The following COP1 variants were observed in gnomAD, a reference collection of about 807,000 sequenced individuals.
COP1 encodes COP1 E3 ubiquitin ligase, also known as E3 ubiquitin-protein ligase COP1.
COP1 carries 24 observed loss-of-function variants against 101.3 expected under a neutral mutation model. That is an observed-to-expected ratio of 0.24 (90% CI 0.17 to 0.33). The LOEUF is 0.33. Ranked by LOEUF, COP1 falls within the 10% of genes least tolerant of loss-of-function variation. The pLI, the probability that COP1 is intolerant of heterozygous loss-of-function variation, is 1.00. For synonymous variants in COP1, 347 were observed against 341.9 expected, an observed-to-expected ratio of 1.01 and a Z score of -0.17; for missense variants, 663 against 906.2, an observed-to-expected ratio of 0.73 and a Z score of 3.45.
chr1:176,096,805 A>G (rs1682470980), intron 9 of COP1, among the ~76,000 whole-genome samples: 1 of 152,214 alleles, frequency 6.6e-6, no homozygotes, highest in African/African-American at 2.4e-5. Context: ...TCTGCTTTAC[A>G]TAACTTTCTG....
chr1:176,195,626 C>G (rs936196863), intron 1 of COP1, among the ~76,000 whole-genome samples: 5 of 152,018 alleles, frequency 3.3e-5, no homozygotes, highest in African/African-American at 1.2e-4. Context: ...ATTAACTGAA[C>G]AAAGTTGAAT....
Position 176,095,681 on chromosome 1 carries a change from A to G in COP1, c.1027-9791T>C, listed in dbSNP as rs893754707. Among the ~76,000 whole-genome samples the G allele has an allele frequency of 5.0e-5, 7 of 139,576 alleles. No homozygotes were observed. The East Asian group carries it at 6.1e-4, about 12-fold the overall frequency. 91.6% of individuals were successfully genotyped at this position (139,576 alleles called of 152,430 possible). A position where few individuals can be genotyped will look rare whatever the true frequency, so the allele number is the denominator to read the frequency against. On this transcript the variant is annotated intron_variant, in intron 9 of 19. Transcript: ENST00000367669. Reference sequence around the variant, plus strand: ...GTGAGAGGGCAAGACCCTGTCTCAGAAAAAAAAAAAAAAAAAAGATGTTCT... The same window carrying G: ...GTGAGAGGGCAAGACCCTGTCTCAGGAAAAAAAAAAAAAAAAAGATGTTCT...
intron 3 of COP1, among the ~76,000 whole-genome samples, chr1:176,173,799 C>T (rs1460412040): frequency 6.6e-6 from 1 of 151,468 alleles, no homozygotes; most frequent in Admixed American, 6.6e-5. Context: ...ACCAGCCTAT[C>T]CAACATGGTG....
intron 11 of COP1, among the ~76,000 whole-genome samples, chr1:176,048,435 G>A (rs1338922213): frequency 6.6e-6 from 1 of 152,134 alleles, no homozygotes; most frequent in Non-Finnish European, 1.5e-5. Context: ...TAGCAATGCA[G>A]TAGATTTATT....
At chr1:175,992,283 G>C (rs1223632465) in intron 15 of COP1, among the ~76,000 whole-genome samples, 1 of 152,210 alleles carries the variant, frequency 6.6e-6, no homozygotes, top group Non-Finnish European at 1.5e-5. Context: ...TGGCCAAATA[G>C]GAACAGCTCC....
At chr1:175,945,281 C>T in intron 19 of COP1, 111 bp from the exon 20 acceptor site, 1 of 740,290 alleles carries the variant, frequency 1.4e-6, no homozygotes, top group East Asian at 3.0e-5. Flanking sequence ...AAAAACGTTT[C>T]CCAACTGGGA....
intron 18 of COP1, among the ~76,000 whole-genome samples, chr1:175,958,398 A>G (rs555877591): frequency 6.6e-6 from 1 of 152,096 alleles, no homozygotes; most frequent in South Asian, 2.1e-4. Context: ...AAGCCATTTC[A>G]GCTATGAAGC....
rs774572668 is a variant in COP1 at position 176,116,593 on chromosome 1, T to C, written c.1026+31A>G. 14 of 1,515,556 alleles carry C rather than the reference T, an allele frequency of 9.2e-6. 1 individual carries two copies. The South Asian group carries it at 1.6e-4, about 17-fold the overall frequency. The allele number at this position is 1,515,556 out of a possible 1,614,324, so 93.9% of individuals were successfully genotyped here. On this transcript the variant is annotated intron_variant, in intron 9 of 19. Coordinates refer to ENST00000367669, the MANE Select transcript of COP1 (RefSeq NM_022457.7). ...ATAACTCAGATAATTATACTCATGG[T>C]ATCATTAAAGCAAACAAAGATATCG...
At chr1:176,191,945 A>G (rs1027561923) in intron 1 of COP1, among the ~76,000 whole-genome samples, 1 of 152,154 alleles carries the variant, frequency 6.6e-6, no homozygotes, top group East Asian at 1.9e-4. Context: ...TAACAATAAA[A>G]TATTTTTTAA....
At chr1:176,096,542 C>T (rs1334082456) in intron 9 of COP1, among the ~76,000 whole-genome samples, 3 of 152,228 alleles carry the variant, frequency 2.0e-5, no homozygotes, top group African/African-American at 7.2e-5. Flanking sequence ...GGCCAGACTA[C>T]CATTGGTCTG....
intron 8 of COP1, among the ~76,000 whole-genome samples, chr1:176,119,089 T>C (rs1247746783): frequency 6.6e-6 from 1 of 152,250 alleles, no homozygotes; most frequent in African/African-American, 2.4e-5. Flanking sequence ...CATGAGTTTA[T>C]TCTGATAAAA....
intron 15 of COP1, among the ~76,000 whole-genome samples, chr1:176,011,228 T>C (rs1329882323): frequency 2.0e-5 from 3 of 152,206 alleles, no homozygotes; most frequent in Non-Finnish European, 4.4e-5. Flanking sequence ...ATTTAAGTTA[T>C]ATAAAATTAA....
chr1:176,051,416 G>A (rs1672533154), intron 11 of COP1, among the ~76,000 whole-genome samples: 1 of 152,166 alleles, frequency 6.6e-6, no homozygotes, highest in African/African-American at 2.4e-5. Context: ...CAGGTTTGTG[G>A]AGAAGATGGT....
chr1:176,032,416 G>A (rs1166846372), intron 14 of COP1, among the ~76,000 whole-genome samples: 2 of 152,186 alleles, frequency 1.3e-5, no homozygotes, highest in African/African-American at 2.4e-5. Flanking sequence ...GTAGCTAGAC[G>A]TTGTCATACA....
chr1:175,948,014 CAAG>C (rs1234796000), intron 18 of COP1, among the ~76,000 whole-genome samples: 2 of 152,166 alleles, frequency 1.3e-5, no homozygotes, highest in Non-Finnish European at 2.9e-5. Flanking sequence ...ATTAGGAAAA[CAAG>C]AAAATGTGAA....
intron 1 of COP1, among the ~76,000 whole-genome samples, chr1:176,194,631 T>C (rs893580926): frequency 6.6e-6 from 1 of 151,142 alleles, no homozygotes; most frequent in Non-Finnish European, 1.5e-5. Flanking sequence ...AGCAAGACTC[T>C]GTCTCAAACA....
intron 11 of COP1, among the ~76,000 whole-genome samples, chr1:176,073,134 G>A (rs2502824): frequency 0.86 from 131,262 of 152,028 alleles, 58,735 homozygotes; most frequent in Non-Finnish European, 0.98. Flanking sequence ...GTAAAATGAG[G>A]TTAATAGCAA....
chr1:175,998,322 G>C (rs1348060251), intron 15 of COP1, among the ~76,000 whole-genome samples: 1 of 150,410 alleles, frequency 6.6e-6, no homozygotes, highest in African/African-American at 2.4e-5. Flanking sequence ...GGGGTGGGGG[G>C]AGAGGGGAGG....
rs1686236087 is a variant in COP1 at position 176,116,681 on chromosome 1, A to G, written c.969T>C (p.Ser323=). 6.2e-7 allele frequency: 1 copy of G among 1,603,692 alleles called. No homozygotes were observed. The highest frequency in any genetic ancestry group is 2.2e-5 in the East Asian group (1 of 44,650). Residue 323 remains serine (S), a splice_region_variant and synonymous_variant, in exon 9 of 20, where the codon AGT becomes AGC. Transcript: ENST00000367669. ...PQFEAPSPSH[S]SIIDSTEYSQ... ...TGTATTCTGTGGAATCAATAATACT[A>G]CTGCAAAATGAAGAGAAAAAAATGT...
Sources: allele counts gnomAD v4.1 joint callset (sites outside exome capture counted in the v4.1 genomes callset), GRCh38; gene constraint gnomAD v4.1.1; transcripts MANE v1.5; gene names NCBI Gene and HGNC (gene_info 2026-07-23, HGNC 2026-07-21).